VTI1A: variants seen among roughly 807,000 people sequenced by gnomAD.
The protein encoded by VTI1A is vesicle transport through interaction with t-SNAREs 1A.
In VTI1A, 22 loss-of-function variants were observed where a neutral mutation model predicts 34.9. That is an observed-to-expected ratio of 0.63 (90% CI 0.45 to 0.90). The LOEUF (loss-of-function observed/expected upper bound fraction) is 0.90. Ranked by LOEUF, VTI1A falls within the 40% of genes least tolerant of loss-of-function variation. The pLI is 0.00. For synonymous variants in VTI1A, 87 were observed against 97.3 expected (o/e 0.89, Z 0.62); for missense variants, 268 against 275.6 (o/e 0.97, Z 0.20).
chr10:112,550,651 T>C (rs983240210), intron 5 of VTI1A, among the ~76,000 whole-genome samples: 2 of 152,178 alleles, frequency 1.3e-5, no homozygotes, highest in African/African-American at 4.8e-5. Flanking sequence ...AAAGTCCTTA[T>C]CAAAGAGACT....
rs545044130 is a variant in VTI1A at position 112,517,500 on chromosome 10, C to T, written c.265-9587C>T. Among the ~76,000 whole-genome samples, 5 of 152,162 alleles carry T rather than the reference C, an allele frequency of 3.3e-5. No homozygotes were observed. In the South Asian group the frequency reaches 6.2e-4, roughly 19 times the overall value. On this transcript the variant is annotated intron_variant, in intron 3 of 7. Transcript: ENST00000393077. ...AGGGGGTGGAGCCTAATTCCCAACTCCTTACCTGTGAGCTAATGCATAGTG... is the reference window on the plus strand; with the variant it reads ...AGGGGGTGGAGCCTAATTCCCAACTTCTTACCTGTGAGCTAATGCATAGTG...
In VTI1A at chr10:112,594,067, GCC is replaced by G; in HGVS notation, c.427+55739_427+55740del. ...TGGGACTACAGGAGCCTGCCACCATGCCCGGCTAATTTTTTTTGTATTTTTAG... is the reference window on the plus strand; with the variant it reads ...TGGGACTACAGGAGCCTGCCACCATGCGGCTAATTTTTTTTGTATTTTTAG... On this transcript the variant is annotated intron_variant, in intron 5 of 7. Transcript: ENST00000393077. 2.0e-5 allele frequency among the ~76,000 whole-genome samples: 3 copies of G among 152,238 alleles called. 1 individual carries two copies. In the South Asian group the frequency reaches 6.2e-4, roughly 32 times the overall value.
At chr10:112,580,678 G>A (rs1843894826) in intron 5 of VTI1A, among the ~76,000 whole-genome samples, 1 of 152,086 alleles carries the variant, frequency 6.6e-6, no homozygotes, top group Non-Finnish European at 1.5e-5. Flanking sequence ...AGTTGAAATG[G>A]CTAACTGTGG....
At chr10:112,515,282 G>C (rs1423340911) in intron 3 of VTI1A, among the ~76,000 whole-genome samples, 1 of 151,916 alleles carries the variant, frequency 6.6e-6, no homozygotes, top group Non-Finnish European at 1.5e-5. Flanking sequence ...AAAGGGAACA[G>C]GATTCAACTC....
At chr10:112,551,403 T>G (rs957914946) in intron 5 of VTI1A, among the ~76,000 whole-genome samples, 1 of 152,060 alleles carries the variant, frequency 6.6e-6, no homozygotes, top group South Asian at 2.1e-4. Context: ...GAAATTAGGA[T>G]TGGATTTATT....
rs1275252716 is a variant in VTI1A at position 112,635,130 on chromosome 10, CA to C, written c.428-33087del. ...AGGTGCCTTTATTCATAATATGAGCCAGGCACTGTGCTCATTATTTGGGGGG... is the reference window on the plus strand; with the variant it reads ...AGGTGCCTTTATTCATAATATGAGCCGGCACTGTGCTCATTATTTGGGGGG... On this transcript the variant is annotated intron_variant, in intron 5 of 7. Coordinates refer to ENST00000393077, the MANE Select transcript of VTI1A (RefSeq NM_145206.4). 3.3e-5 allele frequency among the ~76,000 whole-genome samples: 5 copies of C among 152,256 alleles called. No homozygotes were observed. The East Asian group carries it at 9.6e-4, about 29-fold the overall frequency.
At chr10:112,802,424 T>A (rs964541681) in intron 7 of VTI1A, among the ~76,000 whole-genome samples, 21 of 152,150 alleles carry the variant, frequency 1.4e-4, no homozygotes, top group African/African-American at 5.1e-4. Context: ...GAGAAGTGGG[T>A]TGAGGCTTCG....
chr10:112,566,571 G>A (rs924800644), intron 5 of VTI1A, among the ~76,000 whole-genome samples: 2 of 152,064 alleles, frequency 1.3e-5, no homozygotes, highest in Non-Finnish European at 2.9e-5. Context: ...TTGTTTTGCT[G>A]TTTAATAATT....
chr10:112,837,891 G>GGGAGGGAGGGAGTACCCAGCTCAATCCA, the VTI1A span, among the ~76,000 whole-genome samples: 1 of 152,176 alleles, frequency 6.6e-6, no homozygotes, highest in Non-Finnish European at 1.5e-5. Flanking sequence ...AGTAGAAAAG[G>GGGAGGGAGGGAGTACCCAGCTCAATCCA]GGAGGGAGGG....
rs142405799 is a variant in VTI1A at position 112,662,472 on chromosome 10, A to G, written c.428-5746A>G. ...ACCTAGTGAATTAATTTCAAATGTTATATTTTTATTCTACAATTTTATTTG... is the reference window on the plus strand; with the variant it reads ...ACCTAGTGAATTAATTTCAAATGTTGTATTTTTATTCTACAATTTTATTTG... On this transcript the variant is annotated intron_variant, in intron 5 of 7. Coordinates refer to ENST00000393077, the MANE Select transcript of VTI1A (RefSeq NM_145206.4). 4.7e-3 allele frequency among the ~76,000 whole-genome samples: 708 copies of G among 152,238 alleles called. 5 individuals carry two copies. The highest frequency in any genetic ancestry group is 0.016 in the African/African-American group (679 of 41,536).
chr10:112,842,180 T>G, the VTI1A span, among the ~76,000 whole-genome samples: 1 of 150,878 alleles, frequency 6.6e-6, no homozygotes, highest in Non-Finnish European at 1.5e-5. Context: ...AAGGAGTTCT[T>G]TAAAATGAGA....
At chr10:112,578,404 T>C (rs1589928389) in intron 5 of VTI1A, among the ~76,000 whole-genome samples, 1 of 151,860 alleles carries the variant, frequency 6.6e-6, no homozygotes. Context: ...ATTGATTGAG[T>C]AAACAGTAAA....
intron 3 of VTI1A, among the ~76,000 whole-genome samples, chr10:112,490,391 A>T (rs1373739220): frequency 4.6e-5 from 7 of 151,828 alleles, no homozygotes; most frequent in Admixed American, 4.6e-4. Flanking sequence ...TTGTAATAAA[A>T]CTCTTTCTCA....
intron 7 of VTI1A, among the ~76,000 whole-genome samples, chr10:112,673,558 G>T (rs1440259567): frequency 6.6e-6 from 1 of 152,154 alleles, no homozygotes; most frequent in East Asian, 1.9e-4. Flanking sequence ...TTCCTTATGC[G>T]TGGAGCTGCT....
chr10:112,852,904 G>A, the VTI1A span, among the ~76,000 whole-genome samples: 4 of 151,988 alleles, frequency 2.6e-5, no homozygotes, highest in East Asian at 1.9e-4. Context: ...TCAGCCTCCC[G>A]AGTAAGTGGG....
chr10:112,549,829 C>T (rs1564822960), intron 5 of VTI1A, among the ~76,000 whole-genome samples: 1 of 152,112 alleles, frequency 6.6e-6, no homozygotes, highest in Non-Finnish European at 1.5e-5. Flanking sequence ...CTTACAGTTA[C>T]AAGCCTATTA....
At chr10:112,846,633 G>A in the VTI1A span, among the ~76,000 whole-genome samples, 5 of 152,086 alleles carry the variant, frequency 3.3e-5, no homozygotes, top group Admixed American at 1.3e-4. Context: ...GGACATGGTG[G>A]CGGGCACCTG....
At chr10:112,804,122 G>A (rs1341956760) in intron 7 of VTI1A, among the ~76,000 whole-genome samples, 1 of 152,242 alleles carries the variant, frequency 6.6e-6, no homozygotes, top group Non-Finnish European at 1.5e-5. Context: ...AGTGGGCTCT[G>A]ACAGGTACTT....
At chr10:112,594,683 A>G (rs1405157113) in intron 5 of VTI1A, among the ~76,000 whole-genome samples, 1 of 152,138 alleles carries the variant, frequency 6.6e-6, no homozygotes, top group Non-Finnish European at 1.5e-5. Context: ...ATGGAAGAAC[A>G]TTCCATGCTC....
Sources: gnomAD v4.1 joint callset for allele counts (sites outside exome capture counted in the v4.1 genomes callset) on GRCh38, gnomAD v4.1.1 for gene constraint, MANE v1.5 for transcripts, NCBI Gene and HGNC (gene_info 2026-07-23, HGNC 2026-07-21) for gene names.